The following CDH18 variants were observed in gnomAD, a reference collection of about 807,000 sequenced individuals.
CDH18 encodes the protein cadherin 18, also known as cadherin-18.
In CDH18, 31 loss-of-function variants were observed where a neutral mutation model predicts 67.9. That is an observed-to-expected ratio of 0.46 (90% CI 0.34 to 0.62). CDH18 has a LOEUF of 0.62. CDH18 is among the 20% of genes least tolerant of loss of function. The pLI is 0.01. For synonymous variants in CDH18, 362 were observed against 347.2 expected, an observed-to-expected ratio of 1.04 and a Z score of -0.48; for missense variants, 890 against 975.5, an observed-to-expected ratio of 0.91 and a Z score of 1.17.
intron 2 of CDH18, among the ~76,000 whole-genome samples, chr5:19,950,254 G>C (rs1795663973): frequency 6.6e-6 from 1 of 151,950 alleles, no homozygotes; most frequent in Admixed American, 6.6e-5. Context: ...ATTATTTTAA[G>C]TGAAATAACT....
intron 1 of CDH18, among the ~76,000 whole-genome samples, chr5:20,557,263 G>A (rs1354539120): frequency 6.6e-6 from 1 of 152,054 alleles, no homozygotes; most frequent in African/African-American, 2.4e-5. Context: ...AACAATGCAA[G>A]TTCAACCAAT....
In CDH18 at chr5:20,296,451, C is replaced by T. The variant is rs376175650; in HGVS notation, c.-579-40946G>A. ...TAATTTTTTGTATTTTTAGTAGAGA[C>T]GGGGTTTCACCGTGTTAGCCAGGGT... On this transcript the variant is annotated intron_variant, in intron 1 of 14. Transcript: ENST00000507958. Among the ~76,000 whole-genome samples the T allele has an allele frequency of 3.5e-4, 53 of 151,720 alleles. No individual in the cohort carries two copies. The South Asian group carries it at 9.8e-3, about 28-fold the overall frequency.
intron 1 of CDH18, among the ~76,000 whole-genome samples, chr5:20,526,936 C>A (rs192827742): frequency 6.6e-6 from 1 of 152,122 alleles, no homozygotes; most frequent in South Asian, 2.1e-4. Flanking sequence ...ATGGACAAAC[C>A]GACAGAAGTA....
In CDH18 at chr5:20,130,058, A is replaced by ATAT. The variant is rs1249877883; in HGVS notation, c.-518+125383_-518+125385dup. On this transcript the variant is annotated intron_variant, in intron 2 of 14. Coordinates refer to the CDH18 transcript ENST00000507958. ...TATACAGATAATAGATTTAGTGGCA[A>ATAT]TATTATTATTATTATTGTTATTATT... is the stretch of plus-strand genomic sequence containing the variant. Among the ~76,000 whole-genome samples, 52 of 140,436 alleles carry ATAT rather than the reference A, an allele frequency of 3.7e-4. 1 individual carries two copies. The highest frequency in any genetic ancestry group is 1.2e-3 in the African/African-American group (48 of 38,806). 92.1% of individuals were successfully genotyped at this position (140,436 alleles called of 152,430 possible). A position where few individuals can be genotyped will look rare whatever the true frequency, so the allele number is the denominator to read the frequency against.
intron 2 of CDH18, among the ~76,000 whole-genome samples, chr5:20,062,992 T>C (rs1742632800): frequency 7.6e-3 from 1 of 132 alleles, no homozygotes; most frequent in African/African-American, 0.016. Context: ...TTTTTCTTTC[T>C]TTTTTTTTTT....
chr5:19,717,842 T>C (rs1324564625), intron 5 of CDH18, among the ~76,000 whole-genome samples: 1 of 152,092 alleles, frequency 6.6e-6, no homozygotes, highest in Admixed American at 6.6e-5. Flanking sequence ...ATAGCATATG[T>C]ATTTTATATT....
chr5:19,977,896 C>T (rs1006725806), intron 2 of CDH18, among the ~76,000 whole-genome samples: 1 of 152,086 alleles, frequency 6.6e-6, no homozygotes, highest in Non-Finnish European at 1.5e-5. Context: ...TATTCTCATT[C>T]TAAGCCAATC....
At chr5:20,557,293 C>T (rs767760162) in intron 1 of CDH18, among the ~76,000 whole-genome samples, 4 of 149,852 alleles carry the variant, frequency 2.7e-5, no homozygotes, top group African/African-American at 7.4e-5. Context: ...GAGAGATCGG[C>T]GAAAAAAATG....
chr5:20,087,413 A>T (rs1021036527), intron 2 of CDH18, among the ~76,000 whole-genome samples: 2 of 152,174 alleles, frequency 1.3e-5, no homozygotes, highest in Non-Finnish European at 2.9e-5. Context: ...TCCAATTTAG[A>T]AAGAAGTTTC....
At chr5:20,228,022 C>T (rs142129246) in intron 2 of CDH18, among the ~76,000 whole-genome samples, 1 of 152,106 alleles carries the variant, frequency 6.6e-6, no homozygotes, top group Non-Finnish European at 1.5e-5. Context: ...ATGTTAAATC[C>T]AATGTTCATC....
intron 5 of CDH18, among the ~76,000 whole-genome samples, chr5:19,672,762 T>C (rs1228135907): frequency 6.6e-6 from 1 of 152,064 alleles, no homozygotes; most frequent in Non-Finnish European, 1.5e-5. Context: ...GTAAGAAATA[T>C]TCTGTCAATA....
intron 2 of CDH18, among the ~76,000 whole-genome samples, chr5:20,186,646 A>G (rs1242977921): frequency 6.6e-6 from 1 of 151,998 alleles, no homozygotes; most frequent in Non-Finnish European, 1.5e-5. Flanking sequence ...TTAGAAAAAA[A>G]GAAAATAATA....
intron 3 of CDH18, among the ~76,000 whole-genome samples, chr5:19,815,305 C>T (rs762888129): frequency 2.0e-5 from 3 of 151,868 alleles, no homozygotes; most frequent in Non-Finnish European, 2.9e-5. Flanking sequence ...TCAGATGTCA[C>T]GTTTTGATAT....
intron 2 of CDH18, among the ~76,000 whole-genome samples, chr5:19,889,560 T>C (rs189187114): frequency 5.3e-4 from 80 of 152,204 alleles, no homozygotes; most frequent in Admixed American, 4.6e-3. Context: ...ATTACTGTCC[T>C]ATTCTGCAGA....
chr5:19,876,456 G>GA (rs927883471), intron 2 of CDH18, among the ~76,000 whole-genome samples: 12 of 152,172 alleles, frequency 7.9e-5, no homozygotes, highest in African/African-American at 2.9e-4. Context: ...CCGTTATCTG[G>GA]AAAAATCACT....
chr5:19,973,769 T>G (rs1299419287), intron 2 of CDH18, among the ~76,000 whole-genome samples: 1 of 152,112 alleles, frequency 6.6e-6, no homozygotes, highest in Non-Finnish European at 1.5e-5. Flanking sequence ...AGTATAAAAC[T>G]GTCACTTAAT....
At chr5:20,278,831 T>C (rs1746003457) in intron 1 of CDH18, among the ~76,000 whole-genome samples, 1 of 152,134 alleles carries the variant, frequency 6.6e-6, no homozygotes. Flanking sequence ...AATAGTGGGT[T>C]ATAAGATATT....
intron 3 of CDH18, among the ~76,000 whole-genome samples, chr5:19,759,572 A>T (rs1772070360): frequency 6.6e-6 from 1 of 151,894 alleles, no homozygotes; most frequent in African/African-American, 2.4e-5. Flanking sequence ...CAGAGCTAAA[A>T]CTCCATTAAT....
At position 20,303,941 on chromosome 5, in the gene CDH18, A is replaced by G. The variant is rs990370757; in HGVS notation, c.-579-48436T>C. On this transcript the variant is annotated intron_variant, in intron 1 of 14. Transcript: ENST00000507958. ...ATCTTCCTCTCAAAAGTTTTAAGTT[A>G]TCTGTAAGTTCTTAGAATGTCAAAG... 3.7e-5 allele frequency: 25 copies of G among 684,720 alleles called. No homozygotes were observed. The African/African-American group carries it at 3.9e-4, about 11-fold the overall frequency. The allele number at this position is 684,720 out of a possible 1,614,324, so 42.4% of individuals were successfully genotyped here. A position where few individuals can be genotyped will look rare whatever the true frequency, so the allele number is the denominator to read the frequency against.
Sources: gnomAD v4.1 joint callset for allele counts (sites outside exome capture counted in the v4.1 genomes callset) on GRCh38, gnomAD v4.1.1 for gene constraint, MANE v1.5 for transcripts, NCBI Gene and HGNC (gene_info 2026-07-23, HGNC 2026-07-21) for gene names.